Variants in ABCG8 observed in about 807,000 individuals in gnomAD.
The protein encoded by ABCG8 is ATP-binding cassette sub-family G member 8.
In ABCG8, 81 loss-of-function variants were observed where a neutral mutation model predicts 71.3. The observed-to-expected ratio is 1.14, with a 90% CI of 0.95 to 1.37. The LOEUF (loss-of-function observed/expected upper bound fraction) is 1.37, where lower values mean the gene tolerates loss of function less well. Ranked by LOEUF, ABCG8 falls within the 40% of genes most tolerant of loss-of-function variation. The probability of loss-of-function intolerance (pLI) is 0.00; values close to 1 mark genes in which losing one functional copy is unlikely to be tolerated. For synonymous variants in ABCG8, 451 were observed against 354.7 expected (o/e 1.27, Z -3.05); for missense variants, 1,119 against 866.2 (o/e 1.29, Z -3.66).
chr2:43,865,729 C>A (rs1669508467), intron 6 of ABCG8, among the ~76,000 whole-genome samples: 1 of 151,988 alleles, frequency 6.6e-6, no homozygotes, highest in Non-Finnish European at 1.5e-5. Context: ...CACTGTCTAT[C>A]TGGATAGAAT....
Position 43,842,621 on chromosome 2 carries a change from G to A in ABCG8, c.64-1886G>A, listed in dbSNP as rs73924004. On this transcript the variant is annotated intron_variant, in intron 1 of 12. Transcript: ENST00000272286. ...ATTTGACAACATATTGTGAAATATC[G>A]TACACAAATCAGCTTAAAGAACTCT... Among the ~76,000 whole-genome samples the A allele has an allele frequency of 4.5e-3, 679 of 152,048 alleles. 5 individuals carry two copies. The highest frequency in any genetic ancestry group is 0.016 in the African/African-American group (648 of 41,484).
At chr2:43,859,234 T>C (rs1439056571) in intron 6 of ABCG8, among the ~76,000 whole-genome samples, 5 of 151,364 alleles carry the variant, frequency 3.3e-5, no homozygotes, top group Non-Finnish European at 5.9e-5. Context: ...ACTATCTGGA[T>C]AGAATTCTCA....
Position 43,872,092 on chromosome 2 carries a change from T to A in ABCG8, c.1081T>A (p.Trp361Arg). The A allele has an allele frequency of 6.2e-7, 1 of 1,614,090 alleles. No individual in the cohort carries two copies. Among genetic ancestry groups the A allele is most frequent in the East Asian group, 2.2e-5 (1 of 44,874 alleles). Residue 361 changes from tryptophan to arginine, a missense_variant, in exon 7 of 13, where the codon TGG becomes AGG. Coordinates refer to ENST00000272286, the MANE Select transcript of ABCG8 (RefSeq NM_022437.3). Reference protein sequence around the residue: ...EKVRDLDDFLWKAETKDLDED... With the variant: ...EKVRDLDDFLRKAETKDLDED... ...AGTGCGTGACTTAGATGACTTTCTA[T>A]GGAAAGCAGAGACGAAGGATCTTGA...
intron 6 of ABCG8, among the ~76,000 whole-genome samples, chr2:43,870,385 A>G (rs1248511912): frequency 6.6e-6 from 1 of 152,038 alleles, no homozygotes; most frequent in African/African-American, 2.4e-5. Flanking sequence ...GTGTATGTTG[A>G]TGGAATTCTC....
chr2:43,851,928 T>C (rs1436525358), intron 4 of ABCG8, 106 bp downstream of exon 4: 5 of 1,309,746 alleles, frequency 3.8e-6, no homozygotes, highest in East Asian at 4.6e-5. Context: ...CAGGTCGAGT[T>C]TGAACAACTC....
chr2:43,860,929 G>C (rs562242170), intron 6 of ABCG8, among the ~76,000 whole-genome samples: 2 of 148,732 alleles, frequency 1.3e-5, no homozygotes, highest in East Asian at 3.9e-4. Context: ...TCACTCTCTG[G>C]ATAGAACTCT....
intron 6 of ABCG8, among the ~76,000 whole-genome samples, chr2:43,861,322 CT>C (rs1669309344): frequency 6.6e-6 from 1 of 151,338 alleles, no homozygotes. Flanking sequence ...AGAATTCTCA[CT>C]ATCTATCTGG....
At chr2:43,854,934 G>A (rs1490048206) in intron 6 of ABCG8, among the ~76,000 whole-genome samples, 1 of 152,178 alleles carries the variant, frequency 6.6e-6, no homozygotes, top group African/African-American at 2.4e-5. Context: ...TGATCAGATT[G>A]GGTCTACAGC....
At position 43,875,185 on chromosome 2, in the gene ABCG8, A is replaced by AT; in HGVS notation, c.1529dup (p.Tyr511LeufsTer91). 6.2e-7 allele frequency: 1 copy of AT among 1,614,198 alleles called. No individual in the cohort carries two copies. The highest frequency in any genetic ancestry group is 1.1e-5 in the South Asian group (1 of 91,090). On this transcript the variant is annotated frameshift_variant, in exon 11 of 13. Coordinates refer to ENST00000272286, the MANE Select transcript of ABCG8 (RefSeq NM_022437.3). LOFTEE classifies it high-confidence loss of function. Reference sequence around the variant, plus strand: ...TCCGGAGCACTGTGCCTACATCATCATCTACGGGATGCCCACCTACTGGCT... The same window carrying AT: ...TCCGGAGCACTGTGCCTACATCATCATTCTACGGGATGCCCACCTACTGGCT...
intron 6 of ABCG8, among the ~76,000 whole-genome samples, chr2:43,860,168 G>A (rs183255882): frequency 1.4e-3 from 217 of 151,322 alleles, no homozygotes; most frequent in Admixed American, 1.6e-3. Context: ...TCACTCTCTG[G>A]ATAGAACTCT....
Position 43,878,017 on chromosome 2 carries a change from A to G in ABCG8, c.*104A>G, listed in dbSNP as rs376642490. 3.2e-6 allele frequency: 5 copies of G among 1,541,586 alleles called. No homozygotes were observed. The highest frequency in any genetic ancestry group is 4.4e-6 in the Non-Finnish European group (5 of 1,127,444). On this transcript the variant is annotated 3_prime_UTR_variant, in exon 13 of 13. Transcript: ENST00000272286. ...TGGGGACAGTGAGGACAATGACCCTACAGATGCTCAGCTACATCCGGCCCA... is the reference window on the plus strand; with the variant it reads ...TGGGGACAGTGAGGACAATGACCCTGCAGATGCTCAGCTACATCCGGCCCA...
At chr2:43,875,589 A>G (rs1357663471) in intron 11 of ABCG8, among the ~76,000 whole-genome samples, 176 bp downstream of exon 11, 1 of 152,160 alleles carries the variant, frequency 6.6e-6, no homozygotes, top group Non-Finnish European at 1.5e-5. Flanking sequence ...TCCATTAGAG[A>G]TTCCAGATGC....
At chr2:43,853,877 T>A (rs1053558647) in intron 6 of ABCG8, among the ~76,000 whole-genome samples, 2 of 152,126 alleles carry the variant, frequency 1.3e-5, no homozygotes, top group Admixed American at 1.3e-4. Context: ...TCCACCATCC[T>A]TCCCCCAGGA....
At chr2:43,876,468 G>A (rs1669962053) in intron 11 of ABCG8, among the ~76,000 whole-genome samples, 1 of 151,722 alleles carries the variant, frequency 6.6e-6, no homozygotes, top group Non-Finnish European at 1.5e-5. Context: ...AGGAGATCAT[G>A]GGAATACGGG....
At chr2:43,874,044 C>T (rs1326563727) in intron 9 of ABCG8, 58 bp downstream of exon 9, 6 of 1,559,194 alleles carry the variant, frequency 3.8e-6, no homozygotes, top group Admixed American at 1.7e-5. Flanking sequence ...AAGCTGTGTT[C>T]CTCTGAGCTC....
At chr2:43,877,172 A>C (rs76655836) in intron 11 of ABCG8, among the ~76,000 whole-genome samples, 1 of 149,118 alleles carries the variant, frequency 6.7e-6, no homozygotes, top group Admixed American at 6.7e-5. Context: ...GGGGAAGACC[A>C]TGTCAATATA....
At chr2:43,857,979 ACTAT>A (rs1350927045) in intron 6 of ABCG8, among the ~76,000 whole-genome samples, 2 of 150,172 alleles carry the variant, frequency 1.3e-5, no homozygotes, top group Non-Finnish European at 3.0e-5. Flanking sequence ...TAGAATTCTC[ACTAT>A]CTATCTATAG....
rs1275065674 is a variant in ABCG8 at position 43,881,724 on chromosome 2, A to AC, written c.*3811_*3812insC. The stretch of plus-strand genomic sequence containing the variant: ...CTCTGTCTCAAAAAAAAAAAAAAAA[A>AC]ACCCAAGGCTCTCGAGGCATGCATG... On this transcript the variant is annotated 3_prime_UTR_variant, in exon 13 of 13. Coordinates refer to ENST00000272286, the MANE Select transcript of ABCG8 (RefSeq NM_022437.3). 4 of 151,686 alleles carry AC rather than the reference A, an allele frequency of 2.6e-5. No individual in the cohort carries two copies. The highest frequency in any genetic ancestry group is 9.7e-5 in the African/African-American group (4 of 41,258). The allele number at this position is 151,686 out of a possible 1,614,324, so 9.4% of individuals were successfully genotyped here.
chr2:43,861,670 C>A (rs549483625), intron 6 of ABCG8, among the ~76,000 whole-genome samples: 1 of 148,736 alleles, frequency 6.7e-6, no homozygotes, highest in Non-Finnish European at 1.5e-5. Context: ...GAACTATCAC[C>A]CTCTGGATAG....
Sources: gnomAD v4.1 joint callset for allele counts (sites outside exome capture counted in the v4.1 genomes callset) on GRCh38, gnomAD v4.1.1 for gene constraint, MANE v1.5 for transcripts, NCBI Gene and HGNC (gene_info 2026-07-23, HGNC 2026-07-21) for gene names.